CNTN5: variants seen among roughly 807,000 people sequenced by gnomAD.
CNTN5 encodes the protein contactin-5.
In CNTN5, 77 loss-of-function variants were observed where a neutral mutation model predicts 129.1. The observed-to-expected ratio is 0.60, with a 90% CI of 0.50 to 0.72. The LOEUF (loss-of-function observed/expected upper bound fraction) is 0.72, where lower values mean the gene tolerates loss of function less well. Among genes scored for constraint, CNTN5 ranks in the 30% least tolerant of loss-of-function variants. The pLI is 0.00. For missense variants in CNTN5, 1,478 were observed against 1,328.8 expected, an observed-to-expected ratio of 1.11 and a Z score of -1.75; for synonymous variants, 509 against 465.6, an observed-to-expected ratio of 1.09 and a Z score of -1.20.
chr11:100,103,892 C>T (rs1268067730), intron 13 of CNTN5, among the ~76,000 whole-genome samples: 1 of 152,096 alleles, frequency 6.6e-6, no homozygotes, highest in Non-Finnish European at 1.5e-5. Context: ...CAACAGTTTA[C>T]AGAGATTTTT....
intron 16 of CNTN5, among the ~76,000 whole-genome samples, chr11:100,243,055 A>G (rs189166284): frequency 7.5e-4 from 114 of 152,262 alleles, no homozygotes; most frequent in Middle Eastern, 6.8e-3. Context: ...TGGCACTTCC[A>G]CCTCTGTAAT....
At chr11:100,070,961 T>A (rs932352231) in intron 11 of CNTN5, among the ~76,000 whole-genome samples, 7 of 152,090 alleles carry the variant, frequency 4.6e-5, no homozygotes, top group African/African-American at 9.7e-5. Context: ...GGTATCTTCG[T>A]TGATAGACAA....
rs188463108 is a variant in CNTN5 at position 100,115,410 on chromosome 11, C to G, written c.1580+41116C>G. On this transcript the variant is annotated intron_variant, in intron 13 of 24. Transcript: ENST00000524871. ...GCAAGGGCATCTACAAACACACACACCAAAAAAACAAAACTTGATGTAATA... is the reference window on the plus strand; with the variant it reads ...GCAAGGGCATCTACAAACACACACAGCAAAAAAACAAAACTTGATGTAATA... 2.9e-3 allele frequency among the ~76,000 whole-genome samples: 444 copies of G among 152,058 alleles called. 3 individuals carry two copies. Among genetic ancestry groups the G allele is most frequent in the African/African-American group, 9.7e-3 (404 of 41,508 alleles).
chr11:99,742,776 G>C (rs1448186520), intron 3 of CNTN5, among the ~76,000 whole-genome samples: 1 of 152,146 alleles, frequency 6.6e-6, no homozygotes, highest in Non-Finnish European at 1.5e-5. Flanking sequence ...TGCCTTGATA[G>C]TAATACTTCT....
chr11:99,420,462 A>G (rs924830786), intron 2 of CNTN5, among the ~76,000 whole-genome samples: 1 of 152,298 alleles, frequency 6.6e-6, no homozygotes, highest in African/African-American at 2.4e-5. Context: ...ATTTTCATAC[A>G]TAATGTCACA....
chr11:99,162,196 C>A (rs12360676), intron 1 of CNTN5, among the ~76,000 whole-genome samples: 30,270 of 151,840 alleles, frequency 0.2, 3,201 homozygotes, highest in Middle Eastern at 0.27. Flanking sequence ...TATTTGTTTT[C>A]TCTGGCTTCT....
intron 1 of CNTN5, among the ~76,000 whole-genome samples, chr11:99,251,042 A>G (rs970685441): frequency 4.6e-5 from 7 of 151,970 alleles, no homozygotes; most frequent in African/African-American, 4.8e-5. Context: ...AATATCAGAA[A>G]TAATGATAAC....
intron 2 of CNTN5, among the ~76,000 whole-genome samples, chr11:99,441,058 A>T (rs1182540181): frequency 6.6e-6 from 1 of 152,050 alleles, no homozygotes; most frequent in East Asian, 1.9e-4. Context: ...AGCCTCAAGG[A>T]GTCCTGCCAC....
intron 1 of CNTN5, among the ~76,000 whole-genome samples, chr11:99,319,559 T>G (rs1015321783): frequency 6.6e-6 from 1 of 152,202 alleles, no homozygotes; most frequent in Non-Finnish European, 1.5e-5. Context: ...TCAGAGACCT[T>G]ATGTTGTTCA....
chr11:100,356,209 A>G lies in CNTN5; in HGVS notation c.3292A>G (p.Thr1098Ala), dbSNP rs749277433. ...GCTCTTGGCATTGATGATTCCTTCA[A>G]CTTCCTGGTGAAAACTGCTGACTTA... The part of the protein sequence containing the change: ...TLLLALMIPS[T>A]SW The change falls in exon 25 of 25, where the codon ACT (threonine) becomes GCT (alanine). Residue 1098 changes from threonine to alanine, a missense_variant. Transcript: ENST00000524871. 6.2e-7 allele frequency: 1 copy of G among 1,605,876 alleles called. No individual in the cohort carries two copies.
At chr11:99,655,703 G>T (rs559118482) in intron 3 of CNTN5, among the ~76,000 whole-genome samples, 1 of 151,908 alleles carries the variant, frequency 6.6e-6, no homozygotes. Context: ...TTCCATTGCT[G>T]CTTTATCCAT....
At chr11:99,951,310 T>C (rs557219818) in intron 7 of CNTN5, among the ~76,000 whole-genome samples, 1 of 151,760 alleles carries the variant, frequency 6.6e-6, no homozygotes, top group East Asian at 1.9e-4. Context: ...CACGGTAAAC[T>C]CTTATGCTAA....
intron 9 of CNTN5, among the ~76,000 whole-genome samples, chr11:100,047,441 A>T (rs1329884735): frequency 6.6e-6 from 1 of 152,234 alleles, no homozygotes; most frequent in Non-Finnish European, 1.5e-5. Context: ...CAATGATTAA[A>T]GGACAAAAAC....
chr11:100,089,435 G>T (rs1243096025), intron 13 of CNTN5, among the ~76,000 whole-genome samples: 1 of 152,046 alleles, frequency 6.6e-6, no homozygotes, highest in Admixed American at 6.6e-5. Flanking sequence ...GTGGAGAAAT[G>T]GAAACACTTT....
At chr11:100,022,829 T>C (rs1338520973) in intron 9 of CNTN5, among the ~76,000 whole-genome samples, 1 of 152,234 alleles carries the variant, frequency 6.6e-6, no homozygotes, top group Non-Finnish European at 1.5e-5. Context: ...CCTTCAGTAC[T>C]TCAGATATGT....
intron 2 of CNTN5, among the ~76,000 whole-genome samples, chr11:99,485,546 G>T (rs1945779365): frequency 6.6e-6 from 1 of 151,950 alleles, no homozygotes; most frequent in Non-Finnish European, 1.5e-5. Context: ...GGGACATAAA[G>T]GAACTCTCTA....
intron 13 of CNTN5, among the ~76,000 whole-genome samples, chr11:100,119,231 A>C (rs1169726202): frequency 6.6e-6 from 1 of 151,886 alleles, no homozygotes; most frequent in Non-Finnish European, 1.5e-5. Flanking sequence ...TCTCAGCTGG[A>C]AACAGGTTAA....
chr11:99,052,917 A>T (rs1323279243), intron 1 of CNTN5, among the ~76,000 whole-genome samples: 1 of 151,846 alleles, frequency 6.6e-6, no homozygotes, highest in Non-Finnish European at 1.5e-5. Context: ...TATCTTACAT[A>T]CCACAATTGC....
chr11:99,088,918 A>G (rs1866116907), intron 1 of CNTN5, among the ~76,000 whole-genome samples: 1 of 152,196 alleles, frequency 6.6e-6, no homozygotes, highest in Non-Finnish European at 1.5e-5. Context: ...TGTTATACAC[A>G]AAAGAAATAT....
Sources: allele counts gnomAD v4.1 joint callset (sites outside exome capture counted in the v4.1 genomes callset), GRCh38; gene constraint gnomAD v4.1.1; transcripts MANE v1.5; gene names NCBI Gene and HGNC (gene_info 2026-07-23, HGNC 2026-07-21).